Variants in LRRTM4 observed in about 807,000 individuals in gnomAD.
The protein encoded by LRRTM4 is leucine-rich repeat transmembrane neuronal protein 4.
In LRRTM4, 25 loss-of-function variants were observed where a neutral mutation model predicts 47.6. The ratio of observed to expected loss-of-function variants is 0.53; its 90% CI spans 0.38 to 0.73. LRRTM4 has a LOEUF of 0.73. Among genes scored for constraint, LRRTM4 ranks in the 30% least tolerant of loss-of-function variants. The probability of loss-of-function intolerance (pLI) is 0.00; values close to 1 mark genes in which losing one functional copy is unlikely to be tolerated. For synonymous variants in LRRTM4, 311 were observed against 269.5 expected (o/e 1.15, Z -1.51); for missense variants, 638 against 713.4 (o/e 0.89, Z 1.20).
intron 3 of LRRTM4, among the ~76,000 whole-genome samples, chr2:76,842,727 TTTTG>T (rs146991553): frequency 0.092 from 14,043 of 152,068 alleles, 1,162 homozygotes; most frequent in African/African-American, 0.21. Flanking sequence ...AAAAGTTTTT[TTTTG>T]TTTGTTTGTC....
intron 3 of LRRTM4, among the ~76,000 whole-genome samples, chr2:77,225,919 AATAAATAGTT>A (rs1674790962): frequency 6.6e-6 from 1 of 152,046 alleles, no homozygotes; most frequent in Non-Finnish European, 1.5e-5. Context: ...GTTGTTTGAA[AATAAATAGTT>A]AAGTAGCTAT....
At chr2:77,072,800 C>CAAAAAAA (rs373786120) in intron 3 of LRRTM4, among the ~76,000 whole-genome samples, 22 of 78,728 alleles carry the variant, frequency 2.8e-4, no homozygotes, top group African/African-American at 4.5e-4. Flanking sequence ...CTCCGTCTTC[C>CAAAAAAA]AAAAAAAAAA....
intron 3 of LRRTM4, among the ~76,000 whole-genome samples, chr2:77,375,907 T>TCA (rs1672822800): frequency 6.6e-6 from 1 of 151,818 alleles, no homozygotes; most frequent in African/African-American, 2.4e-5. Context: ...TCATACCCAT[T>TCA]GAATAGCAAT....
At chr2:76,807,951 T>TTC (rs1348528325) in intron 3 of LRRTM4, among the ~76,000 whole-genome samples, 1 of 145,522 alleles carries the variant, frequency 6.9e-6, no homozygotes, top group South Asian at 2.6e-4. Flanking sequence ...CTTTCTTTCT[T>TTC]TCTTTTTCTT....
chr2:77,127,714 A>C (rs1167136101), intron 3 of LRRTM4, among the ~76,000 whole-genome samples: 1 of 152,232 alleles, frequency 6.6e-6, no homozygotes, highest in East Asian at 1.9e-4. Context: ...CTCCTGAAAA[A>C]AACACATGCA....
At chr2:76,989,180 T>A (rs905531337) in intron 3 of LRRTM4, among the ~76,000 whole-genome samples, 1 of 151,848 alleles carries the variant, frequency 6.6e-6, no homozygotes, top group Non-Finnish European at 1.5e-5. Context: ...TTGGTCTTGA[T>A]CATAGATACC....
chr2:76,821,189 A>C (rs1440251512), intron 3 of LRRTM4, among the ~76,000 whole-genome samples: 1 of 151,844 alleles, frequency 6.6e-6, no homozygotes, highest in Middle Eastern at 3.4e-3. Context: ...ATAATGTGTG[A>C]TATAGCAAAA....
At chr2:77,478,136 C>T (rs868760541) in intron 3 of LRRTM4, among the ~76,000 whole-genome samples, 1 of 152,046 alleles carries the variant, frequency 6.6e-6, no homozygotes, top group Middle Eastern at 3.2e-3. Context: ...TTACTTGCTG[C>T]CTCTTTAGTA....
chr2:77,233,649 G>C (rs1008494431), intron 3 of LRRTM4, among the ~76,000 whole-genome samples: 2 of 152,056 alleles, frequency 1.3e-5, no homozygotes, highest in Non-Finnish European at 2.9e-5. Context: ...TTGCTATATA[G>C]TTCAATTGCT....
chr2:77,495,429 T>C (rs1352638297), intron 3 of LRRTM4, among the ~76,000 whole-genome samples: 2 of 152,086 alleles, frequency 1.3e-5, no homozygotes, highest in Non-Finnish European at 1.5e-5. Context: ...TGTTGTTTTA[T>C]GCCGCAAACT....
In LRRTM4 at chr2:77,477,871, A is replaced by AAGAAAGAAAG. The variant is rs1214727893; in HGVS notation, c.1551+40437_1551+40446dup. On this transcript the variant is annotated intron_variant, in intron 3 of 3. Coordinates refer to ENST00000409884, the MANE Select transcript of LRRTM4 (RefSeq NM_001134745.3). ...AAAAAAAAAAAGAAAGAGAGAGAGAAAGAAAGAAAGAGAAAGAAAGAAAAA... is the reference window on the plus strand; with the variant it reads ...AAAAAAAAAAAGAAAGAGAGAGAGAAAGAAAGAAAGAGAAAGAAAGAGAAAGAAAGAAAAA... Among the ~76,000 whole-genome samples, 6 of 145,012 alleles carry AAGAAAGAAAG rather than the reference A, an allele frequency of 4.1e-5. No homozygotes were observed. The East Asian group carries it at 1.0e-3, about 24-fold the overall frequency.
At chr2:76,834,019 A>ATTTATTATTTAT (rs1553416831) in intron 3 of LRRTM4, among the ~76,000 whole-genome samples, 4 of 140,538 alleles carry the variant, frequency 2.8e-5, no homozygotes, top group South Asian at 2.3e-4. Flanking sequence ...TCATTTATTT[A>ATTTATTATTTAT]TTATTTATTT....
chr2:77,010,312 GACT>G (rs747709256), intron 3 of LRRTM4, among the ~76,000 whole-genome samples: 85 of 151,364 alleles, frequency 5.6e-4, no homozygotes, highest in Non-Finnish European at 1.0e-3. Context: ...AGCCTTTAAT[GACT>G]ACTATTTTAC....
chr2:77,352,116 A>T (rs1671805566), intron 3 of LRRTM4, among the ~76,000 whole-genome samples: 1 of 152,196 alleles, frequency 6.6e-6, no homozygotes, highest in Non-Finnish European at 1.5e-5. Context: ...CTATTATTAT[A>T]GGACAACTTT....
At chr2:76,937,937 CTT>C (rs1263523138) in intron 3 of LRRTM4, among the ~76,000 whole-genome samples, 1 of 151,974 alleles carries the variant, frequency 6.6e-6, no homozygotes, top group Non-Finnish European at 1.5e-5. Flanking sequence ...CAAAGTATAA[CTT>C]ACGAAAAATG....
In LRRTM4 at chr2:77,216,194, T is replaced by G. The variant is rs116548491; in HGVS notation, c.1551+302124A>C. Among the ~76,000 whole-genome samples, 446 of 152,318 alleles carry G rather than the reference T, an allele frequency of 2.9e-3. 2 individuals carry two copies. The highest frequency in any genetic ancestry group is 9.6e-3 in the African/African-American group (398 of 41,560). On this transcript the variant is annotated intron_variant, in intron 3 of 3. Coordinates refer to ENST00000409884, the MANE Select transcript of LRRTM4 (RefSeq NM_001134745.3). ...AGTAAAAATCTTCTGGACAGTCAGG[T>G]GAAATATACTTGACACCATTGCCAG...
intron 3 of LRRTM4, among the ~76,000 whole-genome samples, chr2:76,937,831 G>C (rs143443122): frequency 5.3e-5 from 8 of 152,034 alleles, no homozygotes; most frequent in African/African-American, 1.9e-4. Flanking sequence ...CTCCCAAAGT[G>C]CTGGGATTAC....
chr2:76,986,620 G>T (rs541001703), intron 3 of LRRTM4, among the ~76,000 whole-genome samples: 1 of 152,014 alleles, frequency 6.6e-6, no homozygotes, highest in African/African-American at 2.4e-5. Context: ...TGAACATAAT[G>T]AAAGCCCAGA....
chr2:77,043,399 A>T (rs1035418011), intron 3 of LRRTM4, among the ~76,000 whole-genome samples: 2 of 151,770 alleles, frequency 1.3e-5, no homozygotes, highest in African/African-American at 4.8e-5. Context: ...TTGTCCTCCA[A>T]CTATAACACA....
Sources: gnomAD v4.1 joint callset for allele counts (sites outside exome capture counted in the v4.1 genomes callset) on GRCh38, gnomAD v4.1.1 for gene constraint, MANE v1.5 for transcripts, NCBI Gene and HGNC (gene_info 2026-07-23, HGNC 2026-07-21) for gene names.